Variants in ACVR1 observed in about 807,000 individuals in gnomAD.
ACVR1 encodes the protein activin receptor type-1.
Under a neutral mutation model 57.1 loss-of-function variants are expected in ACVR1, and 38 were observed. The observed-to-expected ratio is 0.67, with a 90% CI of 0.51 to 0.87. The LOEUF (loss-of-function observed/expected upper bound fraction) is 0.87. Among genes scored for constraint, ACVR1 ranks in the 40% least tolerant of loss-of-function variants. ACVR1 has a pLI of 0.00. For missense variants in ACVR1, 463 were observed against 638.2 expected, an observed-to-expected ratio of 0.73 and a Z score of 2.96; for synonymous variants, 212 against 228.1, an observed-to-expected ratio of 0.93 and a Z score of 0.63.
chr2:157,824,084 A>G (rs1392458512), intron 1 of ACVR1, among the ~76,000 whole-genome samples: 5 of 152,220 alleles, frequency 3.3e-5, no homozygotes, highest in Non-Finnish European at 7.3e-5. Flanking sequence ...AGGAGCAGCT[A>G]TAAGAAGAGA....
rs147046261 is a variant in ACVR1, at chr2:157,745,222, CA to C, written c.1265-6653del. 5.7e-3 allele frequency among the ~76,000 whole-genome samples: 864 copies of C among 152,224 alleles called. 10 individuals carry two copies. Among genetic ancestry groups the C allele is most frequent in the African/African-American group, 0.02 (837 of 41,528 alleles). On this transcript the variant is annotated intron_variant, in intron 9 of 10. Transcript: ENST00000434821. ...TACTGTAAGTTGTCAAAGGAGAGGGCAAAAAGCCTAGAGATGCTGCATGGCT... is the reference window on the plus strand; with the variant it reads ...TACTGTAAGTTGTCAAAGGAGAGGGCAAAAGCCTAGAGATGCTGCATGGCT...
At chr2:157,739,473 C>T (rs1684666619) in intron 9 of ACVR1, among the ~76,000 whole-genome samples, 1 of 152,164 alleles carries the variant, frequency 6.6e-6, no homozygotes, top group African/African-American at 2.4e-5. Flanking sequence ...GGATTCTTCC[C>T]CTTCATAGAA....
In ACVR1 at chr2:157,863,011, CTTTTTTTTTTTT is replaced by C. The variant is rs374223805; in HGVS notation, c.-183+12773_-183+12784del. ...CCTAACCGCTGCTGTAGAACATTTACTTTTTTTTTTTTTTTTTTTTTTTTTTTTTTGAGACAG... is the reference window on the plus strand; with the variant it reads ...CCTAACCGCTGCTGTAGAACATTTACTTTTTTTTTTTTTTTTTTGAGACAG... On this transcript the variant is annotated intron_variant, in intron 1 of 10. Transcript: ENST00000434821. Among the ~76,000 whole-genome samples the C allele has an allele frequency of 2.2e-3, 137 of 62,334 alleles. 2 individuals carry two copies. Among genetic ancestry groups the C allele is most frequent in the African/African-American group, 8.9e-3 (122 of 13,712 alleles). The allele number at this position is 62,334 out of a possible 152,430, so 40.9% of individuals were successfully genotyped here. A position where few individuals can be genotyped will look rare whatever the true frequency, so the allele number is the denominator to read the frequency against.
intron 1 of ACVR1, among the ~76,000 whole-genome samples, chr2:157,824,008 G>A (rs761153955): frequency 6.6e-6 from 1 of 152,144 alleles, no homozygotes; most frequent in Admixed American, 6.5e-5. Flanking sequence ...GAGCTGCCAC[G>A]TATGAAGTAC....
At chr2:157,866,636 T>C (rs1689948006) in intron 1 of ACVR1, among the ~76,000 whole-genome samples, 1 of 152,196 alleles carries the variant, frequency 6.6e-6, no homozygotes, top group South Asian at 2.1e-4. Flanking sequence ...CAGTTTTACC[T>C]TAATAAGGCT....
intron 1 of ACVR1, among the ~76,000 whole-genome samples, chr2:157,831,922 G>A (rs954451615): frequency 2.6e-5 from 4 of 152,156 alleles, no homozygotes; most frequent in Non-Finnish European, 4.4e-5. Context: ...AAGGGTGAAT[G>A]TTTTTGGTAT....
chr2:157,768,125 A>G (rs1285344470), intron 7 of ACVR1, among the ~76,000 whole-genome samples: 1 of 152,144 alleles, frequency 6.6e-6, no homozygotes, highest in East Asian at 1.9e-4. Flanking sequence ...ACTGAATAAT[A>G]TTTTAGCACC....
chr2:157,773,805 A>C (rs940701579), intron 6 of ACVR1, among the ~76,000 whole-genome samples: 2 of 152,176 alleles, frequency 1.3e-5, no homozygotes, highest in Non-Finnish European at 2.9e-5. Flanking sequence ...CAACCATATC[A>C]ATTCATTTTT....
chr2:157,842,225 C>G lies in ACVR1; in HGVS notation c.-182-23666G>C, dbSNP rs1378837800. Among the ~76,000 whole-genome samples the G allele has an allele frequency of 2.0e-5, 3 of 152,260 alleles. 1 individual carries two copies. The highest frequency in any genetic ancestry group is 3.9e-4 in the East Asian group (2 of 5,178). On this transcript the variant is annotated intron_variant, in intron 1 of 10. Transcript: ENST00000434821. The stretch of plus-strand genomic sequence containing the variant: ...TACCATATCATCTCCAGGACTGGCA[C>G]AGTGCTGGCACACAGCTGATGTTCT...
intron 1 of ACVR1, among the ~76,000 whole-genome samples, chr2:157,831,825 G>C (rs904878984): frequency 6.6e-6 from 1 of 152,076 alleles, no homozygotes; most frequent in African/African-American, 2.4e-5. Flanking sequence ...TCTCTGTCAG[G>C]GTGGTGAAAA....
At chr2:157,778,050 T>A (rs1019665613) in intron 5 of ACVR1, 81 bp downstream of exon 5, 1 of 1,435,694 alleles carries the variant, frequency 7.0e-7, no homozygotes, top group African/African-American at 1.4e-5. Flanking sequence ...TCATTACTGG[T>A]TAGCGTTTCA....
chr2:157,775,652 A>C (rs1686253235), intron 5 of ACVR1, among the ~76,000 whole-genome samples: 1 of 151,862 alleles, frequency 6.6e-6, no homozygotes, highest in African/African-American at 2.4e-5. Flanking sequence ...GTGTAGATGA[A>C]GCAGAGTTTC....
chr2:157,855,338 ACACACAC>A (rs1689492957), intron 1 of ACVR1, among the ~76,000 whole-genome samples: 3 of 139,328 alleles, frequency 2.2e-5, no homozygotes, highest in Non-Finnish European at 3.1e-5. Context: ...ACACACACAC[ACACACAC>A]AAAAATTAGC....
intron 1 of ACVR1, among the ~76,000 whole-genome samples, chr2:157,860,848 A>G (rs1689693847): frequency 6.6e-6 from 1 of 152,152 alleles, no homozygotes; most frequent in Non-Finnish European, 1.5e-5. Flanking sequence ...AATGTTTCTC[A>G]AACTTTTAGA....
intron 5 of ACVR1, among the ~76,000 whole-genome samples, chr2:157,775,780 A>T (rs1686258999): frequency 6.6e-6 from 1 of 152,206 alleles, no homozygotes; most frequent in Admixed American, 6.5e-5. Flanking sequence ...ATAATGTATG[A>T]TCCTGCTTCT....
At chr2:157,826,864 GGGAAAGGAAA>G (rs137947402) in intron 1 of ACVR1, among the ~76,000 whole-genome samples, 11 of 105,594 alleles carry the variant, frequency 1.0e-4, no homozygotes, top group African/African-American at 1.6e-4. Context: ...GAAGAAGGAA[GGGAAAGGAAA>G]GGAAAGGAAA....
At chr2:157,780,726 A>C (rs771075884) in intron 3 of ACVR1, 126 bp from the exon 4 acceptor site, 12 of 1,170,442 alleles carry the variant, frequency 1.0e-5, no homozygotes, top group Non-Finnish European at 1.4e-5. Flanking sequence ...AAGCATCACC[A>C]TCAACCATGA....
rs750147467 is a variant in ACVR1, at chr2:157,760,996, G to A, written c.1148C>T (p.Ala383Val). ...GATGGTTTCATCTAGAACTTCGGGG[G>A]CCATGTAGCGCTTGGTGCCCACACG... ...NPRVGTKRYM[A>V]PEVLDETIQV... The change falls in exon 9 of 11, where the codon GCC becomes GTC. Residue 383 changes from alanine (A) to valine (V), a missense_variant. Physicochemically the swap from Ala to Val is moderately conservative, Grantham distance 64. Around this residue, in one of 3 missense-constraint regions of ACVR1, gnomAD observed 146 missense variants for 186.6 expected, o/e 0.78. Transcript: ENST00000434821. The A allele has an allele frequency of 6.2e-7, 1 of 1,613,964 alleles. No homozygotes were observed. The highest frequency in any genetic ancestry group is 1.3e-5 in the African/African-American group (1 of 74,912).
intron 1 of ACVR1, among the ~76,000 whole-genome samples, chr2:157,865,126 G>T (rs1241435468): frequency 6.8e-6 from 1 of 146,048 alleles, no homozygotes; most frequent in Non-Finnish European, 1.5e-5. Flanking sequence ...AAATCATAAA[G>T]CTCCATTTAC....
Sources: gnomAD v4.1 joint callset for allele counts (sites outside exome capture counted in the v4.1 genomes callset) on GRCh38, gnomAD v4.1.1 for gene constraint, gnomAD v4.1.1 regional missense constraint, MANE v1.5 for transcripts, NCBI Gene and HGNC (gene_info 2026-07-23, HGNC 2026-07-21) for gene names.